Variants in ERCC2 observed in about 807,000 individuals in gnomAD.
ERCC2 encodes general transcription and DNA repair factor IIH helicase subunit XPD.
In ERCC2, 90 loss-of-function variants were observed where a neutral mutation model predicts 99.4. That is an observed-to-expected ratio of 0.91 (90% confidence interval 0.76 to 1.08). ERCC2 has a LOEUF of 1.08. Ranked by LOEUF, ERCC2 falls within the 50% of genes least tolerant of loss-of-function variation. The pLI is 0.00. For missense variants in ERCC2, 993 were observed against 1,038.1 expected (o/e 0.96, Z 0.60); for synonymous variants, 497 against 432.4 (o/e 1.15, Z -1.85).
chr19:45,368,427 G>C (rs982251369), intron 5 of ERCC2, among the ~76,000 whole-genome samples: 1 of 152,176 alleles, frequency 6.6e-6, no homozygotes, highest in African/African-American at 2.4e-5. Flanking sequence ...TCCTAGGCCT[G>C]GGTAGAATTT....
chr19:45,365,590 G>A (rs1051706017), intron 5 of ERCC2, among the ~76,000 whole-genome samples: 10 of 151,628 alleles, frequency 6.6e-5, no homozygotes, highest in Admixed American at 2.6e-4. Context: ...CAGCCTGGGC[G>A]ACAGAGTGAG....
chr19:45,357,734 C>G (rs761216845), intron 12 of ERCC2, 35 bp from the exon 13 acceptor site: 2 of 1,575,778 alleles, frequency 1.3e-6, no homozygotes, highest in Admixed American at 3.3e-5. Context: ...TGAGATTACC[C>G]CACTACAGCC....
Position 45,350,806 on chromosome 19 carries a change from CA to C in ERCC2, c.*822del, listed in dbSNP as rs767615912. 37,431 of 1,348,144 alleles carry C rather than the reference CA, an allele frequency of 0.028. 643 individuals carry two copies. Among genetic ancestry groups the C allele is most frequent in the Non-Finnish European group, 0.031 (29,944 of 964,214 alleles). The allele number at this position is 1,348,144 out of a possible 1,614,324, so 83.5% of individuals were successfully genotyped here. ...CATCAGCAGAATCCACAGCCCACCC[CA>C]CCCCCACCCCCATCTTGCTCAAGAA... On this transcript the variant is annotated 3_prime_UTR_variant, in exon 23 of 23. Coordinates refer to ENST00000391945, the MANE Select transcript of ERCC2 (RefSeq NM_000400.4).
At chr19:45,358,949 C>T in intron 12 of ERCC2, 3 of 761,324 alleles carry the variant, frequency 3.9e-6, no homozygotes, top group Non-Finnish European at 7.3e-6. Context: ...AATGAATTTA[C>T]ATATTCGGTT....
At chr19:45,369,539 G>A (rs771083962) in intron 2 of ERCC2, among the ~76,000 whole-genome samples, 25 of 151,992 alleles carry the variant, frequency 1.6e-4, no homozygotes, top group Non-Finnish European at 2.8e-4. Flanking sequence ...GTGGTGGCGC[G>A]CACCTGTAAT....
intron 1 of ERCC2, 85 bp from the exon 2 acceptor site, chr19:45,370,317 G>C (rs1446781119): frequency 1.7e-5 from 26 of 1,567,528 alleles, no homozygotes; most frequent in African/African-American, 6.8e-5. Flanking sequence ...GCCCAGAGAA[G>C]GGTGACGGGC....
At chr19:45,370,415 C>T in intron 1 of ERCC2, 121 bp downstream of exon 1, 1 of 1,498,680 alleles carries the variant, frequency 6.7e-7, no homozygotes, top group African/African-American at 1.4e-5. Context: ...CTGCGGCTGC[C>T]CCCGTCCCAC....
chr19:45,369,699 G>C (rs2123317014), intron 2 of ERCC2, among the ~76,000 whole-genome samples: 1 of 152,280 alleles, frequency 6.6e-6, no homozygotes, highest in Admixed American at 6.5e-5. Context: ...TTTTTTAAGA[G>C]ACAAGTGTCA....
At position 45,369,115 on chromosome 19, in the gene ERCC2, G is replaced by A. The variant is rs141391238; in HGVS notation, c.138C>T (p.Thr46=). 188 of 1,614,068 alleles carry A rather than the reference G, an allele frequency of 1.2e-4. No individual in the cohort carries two copies. The African/African-American group carries it at 2.3e-3, about 20-fold the overall frequency. Residue 46 remains threonine, a synonymous_variant, in exon 3 of 23, where the codon ACC becomes ACT. Transcript: ENST00000391945. ...GGGCCAACAGGGATACTGTCTTCCC[G>A]GTGCCTGAGGGCATCTCCAGGACTC... is the stretch of plus-strand genomic sequence containing the variant. ...GHGVLEMPSG[T]GKTVSLLALI...
intron 12 of ERCC2, among the ~76,000 whole-genome samples, chr19:45,361,101 A>T (rs1599738777): frequency 6.6e-6 from 1 of 151,332 alleles, no homozygotes; most frequent in Admixed American, 6.6e-5. Flanking sequence ...ACTGCACTCC[A>T]GCCTGGCAAC....
At chr19:45,356,116 C>T (rs1368149895) in intron 15 of ERCC2, among the ~76,000 whole-genome samples, 1 of 152,132 alleles carries the variant, frequency 6.6e-6, no homozygotes, top group Non-Finnish European at 1.5e-5. Context: ...TCTGTCCACA[C>T]TCTCCAACAG....
chr19:45,358,410 C>T (rs772289457), intron 12 of ERCC2: 16 of 210,950 alleles, frequency 7.6e-5, no homozygotes, highest in East Asian at 1.2e-4. Context: ...CCCGACCCCA[C>T]GCGGGGCCAG....
intron 11 of ERCC2, chr19:45,361,876 G>A (rs1317903940): frequency 3.8e-6 from 2 of 531,034 alleles, no homozygotes; most frequent in Admixed American, 2.7e-5. Context: ...ACACTCCAGA[G>A]TCATGTGGTC....
rs1179216554 is a variant in ERCC2 at position 45,350,033 on chromosome 19, C to T, written c.*1596G>A. The stretch of plus-strand genomic sequence containing the variant: ...GCTCAGAAACAGGAGGCTGCCTGTC[C>T]TCCATCCCCAGGGCAGGAAGTAAGG... On this transcript the variant is annotated 3_prime_UTR_variant, in exon 23 of 23. Coordinates refer to ENST00000391945, the MANE Select transcript of ERCC2 (RefSeq NM_000400.4). 6 of 456,384 alleles carry T rather than the reference C, an allele frequency of 1.3e-5. No homozygotes were observed. Among genetic ancestry groups the T allele is most frequent in the South Asian group, 2.8e-5 (1 of 35,306 alleles). The allele number at this position is 456,384 out of a possible 1,614,324, so 28.3% of individuals were successfully genotyped here.
At chr19:45,366,528 C>T (rs1209322189) in intron 5 of ERCC2, among the ~76,000 whole-genome samples, 1 of 152,198 alleles carries the variant, frequency 6.6e-6, no homozygotes, top group Non-Finnish European at 1.5e-5. Flanking sequence ...AATGCCAAAA[C>T]GCATGGAACC....
In ERCC2 at chr19:45,365,165, G is replaced by T. The variant is rs1302469987; in HGVS notation, c.361-7C>A. The T allele has an allele frequency of 1.2e-6, 2 of 1,610,552 alleles. No homozygotes were observed. The highest frequency in any genetic ancestry group is 1.3e-5 in the African/African-American group (1 of 74,856). ...CAAAGCGCAGGGGTGTCACCTGGGG[G>T]TGTGGGGCATCTTAGCACCCAGACA... On this transcript the variant is annotated splice_polypyrimidine_tract_variant and splice_region_variant and intron_variant, in intron 5 of 22. Coordinates refer to ENST00000391945, the MANE Select transcript of ERCC2 (RefSeq NM_000400.4).
At chr19:45,361,791 T>C in intron 11 of ERCC2, 149 bp from the exon 12 acceptor site, 1 of 698,722 alleles carries the variant, frequency 1.4e-6, no homozygotes, top group Non-Finnish European at 2.6e-6. Flanking sequence ...TTTGGAAACT[T>C]GCACCCCCAC....
At position 45,369,058 on chromosome 19, in the gene ERCC2, C is replaced by G. The variant is rs760365197; in HGVS notation, c.183+12G>C. ...CCTTTGTCTGCCTTTACGGGTTCAG[C>G]GCATCACTCACTCTCTGGTATGCCA... On this transcript the variant is annotated intron_variant, in intron 3 of 22. Coordinates refer to ENST00000391945, the MANE Select transcript of ERCC2 (RefSeq NM_000400.4). 1 of 1,613,984 alleles carries G rather than the reference C, an allele frequency of 6.2e-7. No individual in the cohort carries two copies. The highest frequency in any genetic ancestry group is 8.5e-7 in the Non-Finnish European group (1 of 1,179,850).
intron 5 of ERCC2, among the ~76,000 whole-genome samples, chr19:45,366,294 C>A (rs1972423776): frequency 1.3e-5 from 2 of 152,094 alleles, no homozygotes; most frequent in South Asian, 4.1e-4. Flanking sequence ...AGACATGTGC[C>A]ACCACACCCG....
Sources: allele counts gnomAD v4.1 joint callset (sites outside exome capture counted in the v4.1 genomes callset), GRCh38; gene constraint gnomAD v4.1.1; transcripts MANE v1.5; gene names NCBI Gene and HGNC (gene_info 2026-07-23, HGNC 2026-07-21).